The following HHIP variants were observed in gnomAD, a reference collection of about 807,000 sequenced individuals.
HHIP encodes the protein hedgehog interacting protein, also known as hedgehog-interacting protein.
A neutral mutation model predicts 74.0 loss-of-function variants in HHIP; 12 were observed. That is an observed-to-expected ratio of 0.16 (90% CI 0.10 to 0.26). The LOEUF is 0.26. Ranked by LOEUF, HHIP falls within the 10% of genes least tolerant of loss-of-function variation. The pLI is 1.00. For missense variants in HHIP, 788 were observed against 845.0 expected (o/e 0.93, Z 0.84); for synonymous variants, 309 against 311.6 (o/e 0.99, Z 0.09).
intron 4 of HHIP, among the ~76,000 whole-genome samples, chr4:144,681,647 T>G (rs1729348144): frequency 6.6e-6 from 1 of 152,162 alleles, no homozygotes; most frequent in Non-Finnish European, 1.5e-5. Flanking sequence ...ATGGTCTTGA[T>G]CTCCTGACCT....
At chr4:144,735,637 C>G (rs1245597625) in intron 12 of HHIP, among the ~76,000 whole-genome samples, 2 of 152,080 alleles carry the variant, frequency 1.3e-5, no homozygotes, top group Non-Finnish European at 2.9e-5. Flanking sequence ...CATATACCAT[C>G]ACTTAGAAAT....
At chr4:144,656,801 T>G (rs573614633) in intron 2 of HHIP, among the ~76,000 whole-genome samples, 3 of 150,814 alleles carry the variant, frequency 2.0e-5, no homozygotes, top group South Asian at 4.2e-4. Flanking sequence ...ACAATTTAGT[T>G]TTTTTTTTCT....
At chr4:144,653,430 TTTC>T (rs1728477701) in intron 2 of HHIP, among the ~76,000 whole-genome samples, 1 of 152,128 alleles carries the variant, frequency 6.6e-6, no homozygotes, top group Non-Finnish European at 1.5e-5. Context: ...AGATATGGAA[TTTC>T]TTATGCATAT....
In HHIP at chr4:144,707,108, T is replaced by C. The variant is rs766147640; in HGVS notation, c.1005T>C (p.Asp335=). 1 of 1,614,118 alleles carries C rather than the reference T, an allele frequency of 6.2e-7. No individual in the cohort carries two copies. Among genetic ancestry groups the C allele is most frequent in the East Asian group, 2.2e-5 (1 of 44,876 alleles). The change falls in exon 6 of 13, where the codon GAT becomes GAC. Residue 335 remains aspartate, a synonymous_variant. Transcript: ENST00000296575. ...TVSRKNPHQV[D]LRTARVFLEV... is the part of the protein sequence containing the mutation. ...GTAGAAAAAATCCACACCAAGTTGA[T>C]TTGAGAACAGCCAGAGTCTTTCTTG... is the stretch of plus-strand genomic sequence containing the variant.
At chr4:144,729,011 A>C (rs1730875980) in intron 11 of HHIP, among the ~76,000 whole-genome samples, 1 of 152,192 alleles carries the variant, frequency 6.6e-6, no homozygotes, top group Admixed American at 6.6e-5. Flanking sequence ...ATGACCAGGA[A>C]AAATTCAGTG....
In HHIP at chr4:144,739,538, G is replaced by A. The variant is rs1016787605; in HGVS notation, c.*1581G>A. ...TCTATTGTTTTAAGGTGAGAGATTTGCAATTAAAGCCCAGTAAGCATTTAT... is the reference window on the plus strand; with the variant it reads ...TCTATTGTTTTAAGGTGAGAGATTTACAATTAAAGCCCAGTAAGCATTTAT... On this transcript the variant is annotated 3_prime_UTR_variant, in exon 13 of 13. Transcript: ENST00000296575. 1.3e-5 allele frequency: 2 copies of A among 152,168 alleles called. No individual in the cohort carries two copies. Among genetic ancestry groups the A allele is most frequent in the African/African-American group, 4.8e-5 (2 of 41,448 alleles). The allele number at this position is 152,168 out of a possible 1,614,324, so 9.4% of individuals were successfully genotyped here. A position where few individuals can be genotyped will look rare whatever the true frequency, so the allele number is the denominator to read the frequency against.
At chr4:144,695,791 T>G (rs1314333945) in intron 4 of HHIP, among the ~76,000 whole-genome samples, 1 of 151,964 alleles carries the variant, frequency 6.6e-6, no homozygotes, top group Non-Finnish European at 1.5e-5. Context: ...CAGCCACTGG[T>G]AACACATGCC....
In HHIP at chr4:144,660,485, C is replaced by T. The variant is rs143245416; in HGVS notation, c.831+647C>T. 7.9e-3 allele frequency among the ~76,000 whole-genome samples: 1,204 copies of T among 151,982 alleles called. 56 individuals are homozygous for T. Among genetic ancestry groups the T allele is most frequent in the Admixed American group, 0.067 (1,022 of 15,258 alleles). On this transcript the variant is annotated intron_variant, in intron 4 of 12. Coordinates refer to ENST00000296575, the MANE Select transcript of HHIP (RefSeq NM_022475.3). ...AAACCATAAAGCAAATTATGACGTT[C>T]TAAAATTAAGACACATTTAATAGCT...
chr4:144,719,338 C>G (rs1730565770), intron 11 of HHIP, among the ~76,000 whole-genome samples: 1 of 152,180 alleles, frequency 6.6e-6, no homozygotes, highest in Non-Finnish European at 1.5e-5. Flanking sequence ...GACATGACAG[C>G]TGCTTAGTAT....
In HHIP at chr4:144,679,623, T is replaced by C. The variant is rs145255388; in HGVS notation, c.831+19785T>C. Among the ~76,000 whole-genome samples the C allele has an allele frequency of 7.9e-3, 1,200 of 152,226 alleles. 54 individuals carry two copies. Among genetic ancestry groups the C allele is most frequent in the Admixed American group, 0.066 (1,016 of 15,280 alleles). On this transcript the variant is annotated intron_variant, in intron 4 of 12. Transcript: ENST00000296575. ...CAGTTTTCCCAACACCATGTATTAA[T>C]TAGGGAATCCTTTCCCCATTGCTTG...
At chr4:144,727,907 C>A (rs1202625234) in intron 11 of HHIP, among the ~76,000 whole-genome samples, 54 of 152,096 alleles carry the variant, frequency 3.6e-4, no homozygotes, top group Admixed American at 3.5e-3. Context: ...AACACTGAAC[C>A]AGGAAAGAGT....
At chr4:144,718,525 A>C (rs1730525263) in intron 10 of HHIP, among the ~76,000 whole-genome samples, 1 of 152,238 alleles carries the variant, frequency 6.6e-6, no homozygotes, top group African/African-American at 2.4e-5. Context: ...TCCAACGTAC[A>C]TGATCTAACT....
intron 7 of HHIP, among the ~76,000 whole-genome samples, chr4:144,708,527 C>A (rs531512188): frequency 6.6e-6 from 1 of 152,200 alleles, no homozygotes; most frequent in Non-Finnish European, 1.5e-5. Context: ...GATTAGACAA[C>A]GAAAAGGACA....
chr4:144,666,557 C>G (rs1161534316), intron 4 of HHIP, among the ~76,000 whole-genome samples: 1 of 152,156 alleles, frequency 6.6e-6, no homozygotes, highest in Non-Finnish European at 1.5e-5. Flanking sequence ...CCCGATACCA[C>G]AGCTAGCAAG....
At chr4:144,679,143 T>C (rs535989104) in intron 4 of HHIP, among the ~76,000 whole-genome samples, 35 of 152,208 alleles carry the variant, frequency 2.3e-4, no homozygotes, top group Non-Finnish European at 5.0e-4. Flanking sequence ...ATGATTAGTT[T>C]TTTTTTTCTA....
At chr4:144,718,079 TG>T (rs1162459821) in intron 10 of HHIP, among the ~76,000 whole-genome samples, 1 of 152,124 alleles carries the variant, frequency 6.6e-6, no homozygotes, top group African/African-American at 2.4e-5. Context: ...AAATTTATAT[TG>T]TACAGGAGGA....
Position 144,742,832 on chromosome 4 carries a change from GTTATATATATATCTTTATATATATATC to G in HHIP, c.*4892_*4918del, listed in dbSNP as rs1560728896. The G allele has an allele frequency of 7.7e-3, 1,029 of 134,138 alleles. 19 individuals carry two copies. Among genetic ancestry groups the G allele is most frequent in the African/African-American group, 0.027 (955 of 35,708 alleles). 8.3% of individuals were successfully genotyped at this position (134,138 alleles called of 1,614,324 possible). On this transcript the variant is annotated 3_prime_UTR_variant, in exon 13 of 13. Coordinates refer to ENST00000296575, the MANE Select transcript of HHIP (RefSeq NM_022475.3). ...TTATATATATGGTTATATATATTTG[GTTATATATATATCTTTATATATATATC>G]TTATATATATATCTTTTTATATATA...
In HHIP at chr4:144,720,137, A is replaced by G. The variant is rs77033008; in HGVS notation, c.1760+1181A>G. On this transcript the variant is annotated intron_variant, in intron 11 of 12. Transcript: ENST00000296575. ...CATTTTCTTTCACAGTAAGATAAAT[A>G]CCCATCTATATACTATAGTGATTTT... Among the ~76,000 whole-genome samples the G allele has an allele frequency of 1.1e-3, 162 of 152,340 alleles. 7 individuals carry two copies. In the East Asian group the frequency reaches 0.03, roughly 28 times the overall value.
At chr4:144,721,608 A>C (rs1248332275) in intron 11 of HHIP, among the ~76,000 whole-genome samples, 1 of 151,840 alleles carries the variant, frequency 6.6e-6, no homozygotes, top group Non-Finnish European at 1.5e-5. Context: ...AAAAAAAAAA[A>C]AAAACTTCCA....
Sources: gnomAD v4.1 joint callset for allele counts (sites outside exome capture counted in the v4.1 genomes callset) on GRCh38, gnomAD v4.1.1 for gene constraint, MANE v1.5 for transcripts, NCBI Gene and HGNC (gene_info 2026-07-23, HGNC 2026-07-21) for gene names.